The following SRPK2 variants were observed in gnomAD, a reference collection of about 807,000 sequenced individuals.
SRPK2 encodes the protein SFRS protein kinase 2.
SRPK2 carries 21 observed loss-of-function variants against 90.8 expected under a neutral mutation model. That is an observed-to-expected ratio of 0.23 (90% CI 0.16 to 0.33). The LOEUF (loss-of-function observed/expected upper bound fraction) is 0.33, where lower values mean the gene tolerates loss of function less well. SRPK2 is among the 10% of genes least tolerant of loss of function. The probability of loss-of-function intolerance (pLI) is 1.00; values close to 1 mark genes in which losing one functional copy is unlikely to be tolerated. For missense variants in SRPK2, 620 were observed against 869.0 expected (o/e 0.71, Z 3.60); for synonymous variants, 288 against 311.1 (o/e 0.93, Z 0.78).
intron 3 of SRPK2, among the ~76,000 whole-genome samples, chr7:105,176,601 G>A (rs1281872238): frequency 1.0e-5 from 1 of 99,454 alleles, no homozygotes; most frequent in African/African-American, 4.2e-5. Flanking sequence ...GTGTGTGTGT[G>A]TGTGTGTGTA....
At chr7:105,350,905 G>T (rs2132059620) in intron 2 of SRPK2, among the ~76,000 whole-genome samples, 1 of 152,304 alleles carries the variant, frequency 6.6e-6, no homozygotes, top group South Asian at 2.1e-4. Flanking sequence ...AGCCACGTCT[G>T]CCAGCCAACC....
chr7:105,376,186 A>T (rs934839682), intron 2 of SRPK2, among the ~76,000 whole-genome samples: 20 of 151,236 alleles, frequency 1.3e-4, no homozygotes, highest in African/African-American at 4.6e-4. Context: ...TTTAGTAGAG[A>T]CAGGGTTTCA....
rs200369188 is a variant in SRPK2, at chr7:105,191,226, G to A, written c.229+12402C>T. On this transcript the variant is annotated intron_variant, in intron 3 of 15. Coordinates refer to ENST00000393651, the MANE Select transcript of SRPK2 (RefSeq NM_182692.3). ...GCCAAACGATATCCAATGCAAAAAA[G>A]AAATGACAACCACCCTGAGACACAT... Among the ~76,000 whole-genome samples the A allele has an allele frequency of 3.6e-3, 554 of 152,240 alleles. 3 individuals carry two copies. The highest frequency in any genetic ancestry group is 0.012 in the African/African-American group (509 of 41,554).
Position 105,126,163 on chromosome 7 carries a change from C to T in SRPK2, c.1915+85G>A. On this transcript the variant is annotated intron_variant, in intron 15 of 15. Transcript: ENST00000393651. ...TGCGTTTCGAATTTAGGAGAAATGC[C>T]TTTGTCACCATTAATGCTAAAATCA... 5 of 1,151,662 alleles carry T rather than the reference C, an allele frequency of 4.3e-6. No homozygotes were observed. The Admixed American group carries it at 9.3e-5, about 22-fold the overall frequency. The allele number at this position is 1,151,662 out of a possible 1,614,324, so 71.3% of individuals were successfully genotyped here.
intron 15 of SRPK2, among the ~76,000 whole-genome samples, chr7:105,120,003 T>C (rs1026980646): frequency 6.6e-6 from 1 of 152,238 alleles, no homozygotes; most frequent in African/African-American, 2.4e-5. Context: ...ATCACAAGAT[T>C]ATTAAAATGC....
In SRPK2 at chr7:105,145,298, A is replaced by G; in HGVS notation, c.798T>C (p.Ala266=). Residue 266 remains alanine, a synonymous_variant, in exon 9 of 16, where the codon GCT becomes GCC. Transcript: ENST00000393651. ...AAGTACTTACAGGTTTCTGCTGTGG[A>G]GCCGTACTCACTAAAATAAAATCAA... ...PPPSGSAVST[A]PQQKPIGKIS... The G allele has an allele frequency of 6.3e-7, 1 of 1,593,102 alleles. No individual in the cohort carries two copies. Among genetic ancestry groups the G allele is most frequent in the Non-Finnish European group, 8.6e-7 (1 of 1,169,448 alleles).
chr7:105,359,804 G>A (rs892603363), intron 2 of SRPK2, among the ~76,000 whole-genome samples: 5 of 152,096 alleles, frequency 3.3e-5, no homozygotes, highest in African/African-American at 1.2e-4. Context: ...TAAATCTTGT[G>A]ATCAATTTTA....
At chr7:105,260,049 A>T (rs1803984101) in intron 2 of SRPK2, among the ~76,000 whole-genome samples, 1 of 152,234 alleles carries the variant, frequency 6.6e-6, no homozygotes, top group Non-Finnish European at 1.5e-5. Context: ...ATCTAATTAA[A>T]CTAAAGAGCT....
intron 2 of SRPK2, among the ~76,000 whole-genome samples, chr7:105,366,856 G>C (rs1402743677): frequency 1.3e-5 from 2 of 151,942 alleles, no homozygotes; most frequent in Non-Finnish European, 2.9e-5. Flanking sequence ...ATCTTTAAAT[G>C]GCAGGCAAAC....
At chr7:105,192,672 G>C (rs1794449909) in intron 3 of SRPK2, among the ~76,000 whole-genome samples, 1 of 152,172 alleles carries the variant, frequency 6.6e-6, no homozygotes, top group South Asian at 2.1e-4. Flanking sequence ...CAGCAGTGTA[G>C]AAGTGTTCCC....
chr7:105,124,139 G>C (rs374654271), intron 15 of SRPK2, among the ~76,000 whole-genome samples: 1 of 152,186 alleles, frequency 6.6e-6, no homozygotes, highest in Non-Finnish European at 1.5e-5. Flanking sequence ...CGCTCTCACT[G>C]AAAGGAACCA....
At chr7:105,230,595 C>T (rs966843462) in intron 2 of SRPK2, among the ~76,000 whole-genome samples, 6 of 152,198 alleles carry the variant, frequency 3.9e-5, no homozygotes, top group African/African-American at 1.2e-4. Flanking sequence ...TGTATACCAA[C>T]GAGGTGCCCT....
chr7:105,146,360 A>C, intron 8 of SRPK2, 133 bp downstream of exon 8: 1 of 766,430 alleles, frequency 1.3e-6, no homozygotes, highest in Non-Finnish European at 2.0e-6. Flanking sequence ...TCAAGGGTGC[A>C]GTTATTTCCA....
intron 15 of SRPK2, among the ~76,000 whole-genome samples, chr7:105,119,642 T>TA (rs1398078575): frequency 6.6e-6 from 1 of 152,196 alleles, no homozygotes; most frequent in East Asian, 1.9e-4. Flanking sequence ...AATGAACCTG[T>TA]AATATTAGAG....
chr7:105,336,616 C>T (rs962503184), intron 2 of SRPK2, among the ~76,000 whole-genome samples: 6 of 152,164 alleles, frequency 3.9e-5, no homozygotes, highest in Admixed American at 1.3e-4. Context: ...AGCAATCTCT[C>T]CTCTAAATTC....
At chr7:105,276,253 T>G (rs935508002) in intron 2 of SRPK2, among the ~76,000 whole-genome samples, 42 of 151,900 alleles carry the variant, frequency 2.8e-4, no homozygotes, top group African/African-American at 9.6e-4. Context: ...GCTAATTTTT[T>G]TTTTTGGTAG....
chr7:105,242,369 G>A (rs747735164), intron 2 of SRPK2, among the ~76,000 whole-genome samples: 26 of 152,026 alleles, frequency 1.7e-4, no homozygotes, highest in South Asian at 2.1e-4. Flanking sequence ...AAAGTTATCC[G>A]GGGGTGGTGG....
At chr7:105,221,910 C>T (rs1798145303) in intron 2 of SRPK2, among the ~76,000 whole-genome samples, 1 of 152,168 alleles carries the variant, frequency 6.6e-6, no homozygotes, top group African/African-American at 2.4e-5. Flanking sequence ...CACAGATAAA[C>T]CAAAATAACT....
intron 2 of SRPK2, chr7:105,206,037 T>C (rs1238764065): frequency 3.9e-6 from 2 of 518,064 alleles, no homozygotes; most frequent in African/African-American, 1.9e-5. Context: ...CTTAGCACAA[T>C]GGATTCTTGG....
Sources: allele counts gnomAD v4.1 joint callset (sites outside exome capture counted in the v4.1 genomes callset), GRCh38; gene constraint gnomAD v4.1.1; transcripts MANE v1.5; gene names NCBI Gene and HGNC (gene_info 2026-07-23, HGNC 2026-07-21).